GALNT13: variants seen among roughly 807,000 people sequenced by gnomAD.
GALNT13 encodes UDP-GalNAc:polypeptide N-acetylgalactosaminyltransferase 13.
Under a neutral mutation model 64.2 loss-of-function variants are expected in GALNT13, and 28 were observed. The observed-to-expected ratio is 0.44, with a 90% CI of 0.32 to 0.60. The LOEUF is 0.60. Ranked by LOEUF, GALNT13 falls within the 20% of genes least tolerant of loss-of-function variation. The pLI, the probability that GALNT13 is intolerant of heterozygous loss-of-function variation, is 0.05. For synonymous variants in GALNT13, 214 were observed against 224.6 expected, an observed-to-expected ratio of 0.95 and a Z score of 0.42; for missense variants, 577 against 669.8, an observed-to-expected ratio of 0.86 and a Z score of 1.53.
the GALNT13 span, among the ~76,000 whole-genome samples, chr2:153,257,993 C>T: frequency 6.6e-6 from 1 of 152,080 alleles, no homozygotes; most frequent in Non-Finnish European, 1.5e-5. Flanking sequence ...CACTTTCTAA[C>T]AGGCCCAGGA....
the GALNT13 span, among the ~76,000 whole-genome samples, chr2:153,700,829 A>G: frequency 2.0e-5 from 3 of 152,194 alleles, no homozygotes; most frequent in Admixed American, 2.0e-4. Flanking sequence ...ACCACTGCTC[A>G]AGGAAATAAA....
the GALNT13 span, among the ~76,000 whole-genome samples, chr2:153,385,036 A>G: frequency 6.6e-6 from 1 of 151,928 alleles, no homozygotes; most frequent in Admixed American, 6.6e-5. Flanking sequence ...TTTAAAATTG[A>G]CTCTTTGATG....
At chr2:153,371,922 G>C in the GALNT13 span, among the ~76,000 whole-genome samples, 1 of 152,166 alleles carries the variant, frequency 6.6e-6, no homozygotes, top group Non-Finnish European at 1.5e-5. Context: ...GCATTAGTGG[G>C]CTTCACTTGG....
At chr2:154,419,217 TTGATA>T (rs1700149175) in intron 11 of GALNT13, among the ~76,000 whole-genome samples, 1 of 152,068 alleles carries the variant, frequency 6.6e-6, no homozygotes, top group Admixed American at 6.6e-5. Flanking sequence ...AAACTTGGAG[TTGATA>T]AAAACTTGTA....
chr2:153,793,941 A>G, the GALNT13 span, among the ~76,000 whole-genome samples: 3 of 152,186 alleles, frequency 2.0e-5, no homozygotes, highest in Non-Finnish European at 4.4e-5. Flanking sequence ...TTTCTCTTAT[A>G]AGGAGGTTGG....
the GALNT13 span, among the ~76,000 whole-genome samples, chr2:153,204,152 C>T: frequency 6.6e-6 from 1 of 152,176 alleles, no homozygotes; most frequent in African/African-American, 2.4e-5. Context: ...GTATTCCCTT[C>T]CCTTCCAGTA....
intron 2 of GALNT13, among the ~76,000 whole-genome samples, chr2:153,903,629 C>T (rs1688375314): frequency 6.6e-6 from 1 of 151,938 alleles, no homozygotes; most frequent in South Asian, 2.1e-4. Context: ...ACTGTGTCTT[C>T]TGGATATTGT....
At chr2:154,403,387 T>C (rs557597386) in intron 10 of GALNT13, among the ~76,000 whole-genome samples, 1 of 151,332 alleles carries the variant, frequency 6.6e-6, no homozygotes, top group African/African-American at 2.4e-5. Context: ...ACCTGGGAGT[T>C]GGAGGTTGCA....
chr2:153,977,781 A>C (rs535626383), intron 3 of GALNT13, among the ~76,000 whole-genome samples: 1 of 152,298 alleles, frequency 6.6e-6, no homozygotes, highest in East Asian at 1.9e-4. Flanking sequence ...TATTCATATG[A>C]CCATTCAAAT....
intron 4 of GALNT13, among the ~76,000 whole-genome samples, chr2:154,183,009 TTTTGG>T (rs1275156585): frequency 6.6e-6 from 1 of 152,152 alleles, no homozygotes; most frequent in African/African-American, 2.4e-5. Context: ...AGTATCATTG[TTTTGG>T]TTTGGTATCA....
intron 3 of GALNT13, among the ~76,000 whole-genome samples, chr2:154,079,569 T>A (rs2105410076): frequency 6.6e-6 from 1 of 151,684 alleles, no homozygotes; most frequent in East Asian, 1.9e-4. Flanking sequence ...ACCTTGCACC[T>A]CAAATTTTAT....
At chr2:153,242,976 T>C in the GALNT13 span, among the ~76,000 whole-genome samples, 1 of 152,238 alleles carries the variant, frequency 6.6e-6, no homozygotes, top group Admixed American at 6.5e-5. Flanking sequence ...AAAATTACTT[T>C]GCGTTATGGG....
intron 9 of GALNT13, among the ~76,000 whole-genome samples, chr2:154,371,321 G>C (rs1164699640): frequency 6.6e-6 from 1 of 152,078 alleles, no homozygotes; most frequent in East Asian, 1.9e-4. Flanking sequence ...TTTGAAGCTG[G>C]AGTATTTTTA....
chr2:153,383,175 A>G, the GALNT13 span, among the ~76,000 whole-genome samples: 16 of 152,136 alleles, frequency 1.1e-4, no homozygotes, highest in Non-Finnish European at 2.1e-4. Flanking sequence ...TTACCTTGTA[A>G]AAATAATCAG....
At position 154,453,899 on chromosome 2, in the gene GALNT13, AT is replaced by A. The variant is rs1701967208; in HGVS notation, c.*3349del. The A allele has an allele frequency of 1.3e-5, 2 of 152,138 alleles. No individual in the cohort carries two copies. Among genetic ancestry groups the A allele is most frequent in the South Asian group, 4.1e-4 (2 of 4,830 alleles). The allele number at this position is 152,138 out of a possible 1,614,324, so 9.4% of individuals were successfully genotyped here. ...TTCCTAATATTCTTCACATTAAACT[AT>A]GGACTCTAATTTTCTGGATAAAATA... On this transcript the variant is annotated 3_prime_UTR_variant, in exon 13 of 13. Transcript: ENST00000392825.
At chr2:153,868,283 C>T (rs1462660497), upstream of GALNT13, among the ~76,000 whole-genome samples, 1 of 152,090 alleles carries the variant, frequency 6.6e-6, no homozygotes, top group Non-Finnish European at 1.5e-5. Flanking sequence ...TCTTCAAAAC[C>T]TATTGCAGTG....
At chr2:153,920,066 A>T (rs1689648590) in intron 2 of GALNT13, among the ~76,000 whole-genome samples, 1 of 149,230 alleles carries the variant, frequency 6.7e-6, no homozygotes, top group Non-Finnish European at 1.5e-5. Context: ...ATGAATTTTT[A>T]GAAAAAATAA....
At chr2:154,146,153 C>T (rs935008521) in intron 4 of GALNT13, among the ~76,000 whole-genome samples, 108 of 145,120 alleles carry the variant, frequency 7.4e-4, no homozygotes, top group African/African-American at 2.0e-3. Context: ...TATATATATA[C>T]ACACACACAC....
chr2:153,739,215 C>T, the GALNT13 span, among the ~76,000 whole-genome samples: 1 of 151,864 alleles, frequency 6.6e-6, no homozygotes, highest in Non-Finnish European at 1.5e-5. Flanking sequence ...ATGGATTTAT[C>T]TGTGTAACCC....
Sources: allele counts gnomAD v4.1 joint callset (sites outside exome capture counted in the v4.1 genomes callset), GRCh38; gene constraint gnomAD v4.1.1; transcripts MANE v1.5; gene names NCBI Gene and HGNC (gene_info 2026-07-23, HGNC 2026-07-21).